The following PARVB variants were observed in gnomAD, a reference collection of about 807,000 sequenced individuals.
The protein encoded by PARVB is beta-parvin.
PARVB carries 46 observed loss-of-function variants against 47.0 expected under a neutral mutation model. The observed-to-expected ratio is 0.98, with a 90% confidence interval of 0.77 to 1.25. PARVB has a LOEUF of 1.25. Ranked by LOEUF, PARVB falls within the 50% of genes most tolerant of loss-of-function variation. The pLI, the probability that PARVB is intolerant of heterozygous loss-of-function variation, is 0.00. For synonymous variants in PARVB, 196 were observed against 196.3 expected (o/e 1.00, Z 0.01); for missense variants, 473 against 471.6 (o/e 1.00, Z -0.03).
intron 1 of PARVB, among the ~76,000 whole-genome samples, chr22:44,076,122 C>T (rs2051767434): frequency 6.6e-6 from 1 of 152,250 alleles, no homozygotes; most frequent in Admixed American, 6.5e-5. Context: ...TCTGTGGAGG[C>T]CAGAGCGCTC....
chr22:44,093,768 A>AC (rs1418315859), intron 1 of PARVB, among the ~76,000 whole-genome samples, 160 bp from the exon 2 acceptor site: 1 of 152,174 alleles, frequency 6.6e-6, no homozygotes, highest in Non-Finnish European at 1.5e-5. Context: ...GGTTCAGAGC[A>AC]TTTTTCCCTC....
chr22:43,999,594 C>T (rs2050390389), exon 2 of PARVB: 2 of 1,613,808 alleles, frequency 1.2e-6, no homozygotes, highest in East Asian at 2.2e-5. Context: ...CCCAGGCACT[C>T]ATGGCTTCTC....
intron 4 of PARVB, among the ~76,000 whole-genome samples, chr22:44,126,696 C>T (rs2147146260): frequency 6.6e-6 from 1 of 152,268 alleles, no homozygotes; most frequent in South Asian, 2.1e-4. Context: ...GTACTTTGCT[C>T]CCTACCTGAA....
At chr22:44,017,068 T>G (rs1264505430) in intron 2 of PARVB, among the ~76,000 whole-genome samples, 1 of 151,918 alleles carries the variant, frequency 6.6e-6, no homozygotes, top group African/African-American at 2.4e-5. Context: ...AGAGATGGGG[T>G]TTCGCCCTGT....
chr22:44,154,566 A>G (rs1268908279), intron 10 of PARVB, among the ~76,000 whole-genome samples: 4 of 115,764 alleles, frequency 3.5e-5, no homozygotes, highest in African/African-American at 6.9e-5. Flanking sequence ...TGGTTTATGT[A>G]GTCTGGTGTG....
At chr22:44,075,746 C>T (rs140193239) in intron 1 of PARVB, among the ~76,000 whole-genome samples, 2 of 152,252 alleles carry the variant, frequency 1.3e-5, no homozygotes, top group African/African-American at 4.8e-5. Context: ...TTTAAGTTTC[C>T]TCCACGCCTT....
intron 3 of PARVB, chr22:44,115,409 G>T (rs1319430157): frequency 1.7e-5 from 2 of 115,108 alleles, no homozygotes; most frequent in African/African-American, 6.9e-5. Context: ...CAGATACATT[G>T]TTATTAACTA....
chr22:44,036,773 G>A lies in PARVB; in HGVS notation c.112+12322G>A, dbSNP rs537304191. 3.6e-4 allele frequency among the ~76,000 whole-genome samples: 55 copies of A among 152,208 alleles called. 2 individuals carry two copies. In the South Asian group the frequency reaches 0.011, roughly 31 times the overall value. ...ACTTGAGCTCAGGAGTTCAAGACCA[G>A]CCTGGGCAACATAGAGAGAACCCCT... On this transcript the variant is annotated intron_variant, in intron 1 of 12. Transcript: ENST00000338758.
At chr22:44,051,430 A>G (rs942999178) in intron 1 of PARVB, among the ~76,000 whole-genome samples, 1 of 152,106 alleles carries the variant, frequency 6.6e-6, no homozygotes, top group African/African-American at 2.4e-5. Flanking sequence ...GAAGCCCTTC[A>G]GTCCCAGCTC....
chr22:44,099,374 A>G lies in PARVB; in HGVS notation c.203-679A>G, dbSNP rs2267609. 8.1e-3 allele frequency among the ~76,000 whole-genome samples: 1,238 copies of G among 152,000 alleles called. 49 individuals are homozygous for G. In the East Asian group the frequency reaches 0.13, roughly 15 times the overall value. ...GCCCCCTCCGCAGTCCCGCCTCCCC[A>G]CTGTCTCCACGGCACTGTCCTCCAT... On this transcript the variant is annotated intron_variant, in intron 2 of 12. Transcript: ENST00000338758.
At chr22:44,052,916 C>G (rs1233424534) in intron 1 of PARVB, among the ~76,000 whole-genome samples, 2 of 152,094 alleles carry the variant, frequency 1.3e-5, no homozygotes, top group Non-Finnish European at 1.5e-5. Flanking sequence ...GCACCCCAGC[C>G]TGGGAGACAG....
At position 44,068,405 on chromosome 22, in the gene PARVB, G is replaced by C. The variant is rs2146972224; in HGVS notation, c.113-25523G>C. ...GGAGAGGGTTCAGGCCGAGGAAAGG[G>C]GGAGCAAGTTGCCGGCCAAGGTAGG... is the stretch of plus-strand genomic sequence containing the variant. On this transcript the variant is annotated intron_variant, in intron 1 of 12. Transcript: ENST00000338758. This position sits in a 1 kb window ranked among gnomAD's most constrained non-coding sequence, Gnocchi z 4.1. Among the ~76,000 whole-genome samples the C allele has an allele frequency of 6.6e-6, 1 of 152,318 alleles. No homozygotes were observed. Among genetic ancestry groups the C allele is most frequent in the Non-Finnish European group, 1.5e-5 (1 of 68,024 alleles).
chr22:44,015,510 A>C (rs926728237), intron 2 of PARVB, among the ~76,000 whole-genome samples: 1 of 152,204 alleles, frequency 6.6e-6, no homozygotes, highest in African/African-American at 2.4e-5. Context: ...CAGACAGAGA[A>C]TCCATCTACA....
intron 10 of PARVB, chr22:44,153,017 C>T (rs2053843387): frequency 6.6e-6 from 1 of 152,188 alleles, no homozygotes; most frequent in Admixed American, 6.5e-5. Context: ...TTTGTTCAGG[C>T]CTTTTCTCTA....
At chr22:44,131,690 A>G in intron 5 of PARVB, 63 bp downstream of exon 5, 5 of 1,510,328 alleles carry the variant, frequency 3.3e-6, no homozygotes, top group Non-Finnish European at 4.4e-6. Flanking sequence ...GACATTCGTC[A>G]TCCACATTTG....
At chr22:44,110,501 AC>A (rs2052671935) in intron 3 of PARVB, 1 of 152,156 alleles carries the variant, frequency 6.6e-6, no homozygotes, top group Non-Finnish European at 1.5e-5. Flanking sequence ...CAGGTGTGAA[AC>A]AGTGGAGTGT....
chr22:44,164,860 A>T (rs183563555), intron 12 of PARVB, among the ~76,000 whole-genome samples: 1 of 152,030 alleles, frequency 6.6e-6, no homozygotes, highest in Non-Finnish European at 1.5e-5. Context: ...TGTCCCTTCC[A>T]TCTACCCACT....
chr22:44,003,489 T>A (rs985991054), intron 2 of PARVB, among the ~76,000 whole-genome samples: 2 of 152,076 alleles, frequency 1.3e-5, no homozygotes, highest in African/African-American at 4.8e-5. Flanking sequence ...AAAGGCTAAG[T>A]AGGATTCATC....
intron 5 of PARVB, 56 bp downstream of exon 5, chr22:44,131,683 A>G (rs1407072150): frequency 6.6e-7 from 1 of 1,524,404 alleles, no homozygotes; most frequent in Non-Finnish European, 8.8e-7. Context: ...TCCTCTCGAC[A>G]TTCGTCATCC....
Sources: gnomAD v4.1 joint callset for allele counts (sites outside exome capture counted in the v4.1 genomes callset) on GRCh38, gnomAD v4.1.1 for gene constraint, Gnocchi (gnomAD v3.1) non-coding constraint, MANE v1.5 for transcripts, NCBI Gene and HGNC (gene_info 2026-07-23, HGNC 2026-07-21) for gene names.